TTF2: variants seen among roughly 807,000 people sequenced by gnomAD.
TTF2 encodes transcription termination factor 2, also known as RNA polymerase II termination factor.
A neutral mutation model predicts 142.4 loss-of-function variants in TTF2; 108 were observed. The observed-to-expected ratio is 0.76, with a 90% CI of 0.65 to 0.89. TTF2 has a LOEUF of 0.89. Among genes scored for constraint, TTF2 ranks in the 40% least tolerant of loss-of-function variants. TTF2 has a pLI of 0.00. For synonymous variants in TTF2, 483 were observed against 506.2 expected, an observed-to-expected ratio of 0.95 and a Z score of 0.61; for missense variants, 1,327 against 1,379.8, an observed-to-expected ratio of 0.96 and a Z score of 0.61.
intron 11 of TTF2, among the ~76,000 whole-genome samples, chr1:117,084,730 T>C (rs887175684): frequency 6.6e-6 from 1 of 152,206 alleles, no homozygotes; most frequent in African/African-American, 2.4e-5. Context: ...TTAGTCCTAG[T>C]CTTTGTCTTT....
rs755610011 is a variant in TTF2 at position 117,081,804 on chromosome 1, C to T, written c.1784-24C>T. 1.3e-5 allele frequency: 21 copies of T among 1,608,700 alleles called. No homozygotes were observed. The South Asian group carries it at 2.3e-4, about 18-fold the overall frequency. ...TTATTTGCCCTAAGCAATTAACTCT[C>T]TTAATTTTGCTTTTATTTTCTAGCA... On this transcript the variant is annotated intron_variant, in intron 9 of 22. Transcript: ENST00000369466.
At chr1:117,082,809 C>T (rs1466941530) in intron 10 of TTF2, among the ~76,000 whole-genome samples, 3 of 152,020 alleles carry the variant, frequency 2.0e-5, no homozygotes, top group South Asian at 4.1e-4. Context: ...GGCAAGAAAG[C>T]AAGACACTGT....
chr1:117,060,422 G>A (rs1464781904), intron 1 of TTF2, 33 bp from the exon 2 acceptor site: 1 of 1,610,534 alleles, frequency 6.2e-7, no homozygotes, highest in Admixed American at 1.7e-5. Context: ...ATTTAGCGTG[G>A]CGTAATCGTT....
rs1343131724 is a variant in TTF2 at position 117,088,973 on chromosome 1, C to T, written c.2333C>T (p.Ser778Leu). The T allele has an allele frequency of 1.2e-6, 2 of 1,610,682 alleles. No individual in the cohort carries two copies. The highest frequency in any genetic ancestry group is 1.3e-5 in the African/African-American group (1 of 74,718). ...CAAAACAACTTATTGGATATGTATT[C>T]GCTGCTGAAGTGAGTAACTTCTCGT... Reference protein sequence around the residue: ...PIQNNLLDMYSLLKFLRCSPF... With the variant: ...PIQNNLLDMYLLLKFLRCSPF... Residue 778 changes from serine to leucine, a missense_variant, in exon 13 of 23, where the codon TCG (serine) becomes TTG (leucine). Physicochemically the swap from Ser to Leu is moderately radical, Grantham distance 145 (BLOSUM62 -2). Coordinates refer to ENST00000369466, the MANE Select transcript of TTF2 (RefSeq NM_003594.4).
At position 117,075,651 on chromosome 1, in the gene TTF2, A is replaced by G. The variant is rs780730172; in HGVS notation, c.1067A>G (p.Glu356Gly). 6.2e-7 allele frequency: 1 copy of G among 1,614,088 alleles called. No individual in the cohort carries two copies. The highest frequency in any genetic ancestry group is 1.1e-5 in the South Asian group (1 of 91,074). ...EAATSSDDEE[E>G]DDVVFVSSKP... ...GCCACAAGCAGTGACGACGAGGAGG[A>G]AGATGATGTTGTTTTTGTTTCCTCT... Residue 356 changes from glutamate to glycine, a missense_variant, in exon 5 of 23, where the codon GAA becomes GGA. By Grantham distance (98) the Glu-to-Gly change is moderately conservative. Transcript: ENST00000369466. The surrounding 1 kb of genome is among the most constrained non-coding windows in gnomAD (Gnocchi z 4.5).
rs759713972 is a variant in TTF2, at chr1:117,075,705, C to A, written c.1121C>A (p.Ser374Ter). ...SKPGSPLLFD[S>*]TLDLETKENL... Reference sequence around the variant, plus strand: ...CCTGGGAGCCCCCTACTCTTTGACTCGACTCTGGACTTAGAGACGAAGGAA... The same window carrying A: ...CCTGGGAGCCCCCTACTCTTTGACTAGACTCTGGACTTAGAGACGAAGGAA... Residue 374 changes from serine to a stop codon, truncating the protein, a stop_gained, in exon 5 of 23, where the codon TCG becomes TAG. Transcript: ENST00000369466. LOFTEE classifies it high-confidence loss of function. The surrounding 1 kb of genome is among the most constrained non-coding windows in gnomAD (Gnocchi z 4.5). 3.1e-6 allele frequency: 5 copies of A among 1,614,154 alleles called. No individual in the cohort carries two copies. The highest frequency in any genetic ancestry group is 4.2e-6 in the Non-Finnish European group (5 of 1,180,028).
chr1:117,077,916 G>A lies in TTF2; in HGVS notation c.1574G>A (p.Gly525Asp), dbSNP rs1161706216. The stretch of plus-strand genomic sequence containing the variant: ...TTAGGTAACACCTATTTGTATGCAG[G>A]CCATACAAACCAAGATCACGTTCAT... ...TAGGSSQCYR[G>D]HTNQDHVHAV... Residue 525 changes from glycine (G) to aspartate (D), a missense_variant and splice_region_variant, in exon 8 of 23, where the codon GGC (glycine) becomes GAC (aspartate). Coordinates refer to ENST00000369466, the MANE Select transcript of TTF2 (RefSeq NM_003594.4). The A allele has an allele frequency of 6.2e-7, 1 of 1,614,084 alleles. No homozygotes were observed. The highest frequency in any genetic ancestry group is 8.5e-7 in the Non-Finnish European group (1 of 1,179,956).
rs1464010888 is a variant in TTF2, at chr1:117,097,266, G to C, written c.3187-85G>C. ...TTTGATAGGAACACAGTGCTTATCTGTATTGATTGTGGACTTAAACCTGAG... is the reference window on the plus strand; with the variant it reads ...TTTGATAGGAACACAGTGCTTATCTCTATTGATTGTGGACTTAAACCTGAG... On this transcript the variant is annotated intron_variant, in intron 20 of 22. Coordinates refer to ENST00000369466, the MANE Select transcript of TTF2 (RefSeq NM_003594.4). The surrounding 1 kb of genome is among the most constrained non-coding windows in gnomAD (Gnocchi z 4.1). 8 of 1,169,664 alleles carry C rather than the reference G, an allele frequency of 6.8e-6. No individual in the cohort carries two copies. Among genetic ancestry groups the C allele is most frequent in the Admixed American group, 1.7e-5 (1 of 59,102 alleles). 72.5% of individuals were successfully genotyped at this position (1,169,664 alleles called of 1,614,324 possible). A position where few individuals can be genotyped will look rare whatever the true frequency, so the allele number is the denominator to read the frequency against.
intron 2 of TTF2, 124 bp downstream of exon 2, chr1:117,060,681 G>A: frequency 4.4e-6 from 4 of 903,868 alleles, no homozygotes; most frequent in Non-Finnish European, 6.4e-6. Flanking sequence ...GCGGTGTCAG[G>A]ACCCTTTAAG....
rs893763474 is a variant in TTF2 at position 117,097,683 on chromosome 1, C to T, written c.3269+250C>T. 5.9e-5 allele frequency among the ~76,000 whole-genome samples: 9 copies of T among 152,222 alleles called. No homozygotes were observed. The highest frequency in any genetic ancestry group is 5.2e-4 in the Admixed American group (8 of 15,282). On this transcript the variant is annotated intron_variant, in intron 21 of 22. Transcript: ENST00000369466. The surrounding 1 kb of genome is among the most constrained non-coding windows in gnomAD (Gnocchi z 4.1). The stretch of plus-strand genomic sequence containing the variant: ...ATTCACGTTATTGTTAGTCTAACAT[C>T]TGTTTCCATGGAAACGGGGAGCATA...
At chr1:117,089,905 G>A in intron 13 of TTF2, 150 bp from the exon 14 acceptor site, 3 of 835,774 alleles carry the variant, frequency 3.6e-6, no homozygotes, top group Non-Finnish European at 5.4e-6. Context: ...GTCCAGCAAA[G>A]GTTTGCTATG....
Position 117,100,644 on chromosome 1 carries a change from C to G in TTF2, c.3345-736C>G, listed in dbSNP as rs538184707. On this transcript the variant is annotated intron_variant, in intron 22 of 22. Coordinates refer to ENST00000369466, the MANE Select transcript of TTF2 (RefSeq NM_003594.4). The surrounding 1 kb of genome is among the most constrained non-coding windows in gnomAD (Gnocchi z 4.6). ...CTCAGCCATGGTTTTGCACGTGTTC[C>G]CATTCCCTGGGGTGCTCTCCTCACT... Among the ~76,000 whole-genome samples, 441 of 152,290 alleles carry G rather than the reference C, an allele frequency of 2.9e-3. 5 individuals carry two copies. Among genetic ancestry groups the G allele is most frequent in the African/African-American group, 0.01 (433 of 41,564 alleles).
Position 117,075,263 on chromosome 1 carries a change from A to G in TTF2, c.679A>G (p.Asn227Asp), listed in dbSNP as rs1322186864. Residue 227 changes from asparagine (N) to aspartate (D), a missense_variant, in exon 5 of 23, where the codon AAT (asparagine) becomes GAT (aspartate). Physicochemically the swap from Asn to Asp is conservative, Grantham distance 23 (BLOSUM62 1). Coordinates refer to ENST00000369466, the MANE Select transcript of TTF2 (RefSeq NM_003594.4). The surrounding 1 kb of genome is among the most constrained non-coding windows in gnomAD (Gnocchi z 4.5). ...AATTAAATCTCAACAGTGCCAAGGT[A>G]ATGAGCTTACAAGACCATCTGCATC... The part of the protein sequence containing the change: ...SEIKSQQCQG[N>D]ELTRPSASSQ... 6.2e-7 allele frequency: 1 copy of G among 1,614,238 alleles called. No individual in the cohort carries two copies. Among genetic ancestry groups the G allele is most frequent in the Non-Finnish European group, 8.5e-7 (1 of 1,180,038 alleles).
chr1:117,075,140 A>T lies in TTF2; in HGVS notation c.556A>T (p.Lys186Ter), dbSNP rs1481632689. Residue 186 changes from lysine to a stop codon, truncating the protein, a stop_gained, in exon 5 of 23, where the codon AAA (lysine) becomes TAA (stop). Transcript: ENST00000369466. LOFTEE classifies it high-confidence loss of function. The surrounding 1 kb of genome is among the most constrained non-coding windows in gnomAD (Gnocchi z 4.5). ...KDLSSGLVPK[K>*]KQSVVQEKKQ... ...CCTCTCATCTGGCCTGGTACCAAAGAAAAAACAATCTGTAGTTCAAGAGAA... is the reference window on the plus strand; with the variant it reads ...CCTCTCATCTGGCCTGGTACCAAAGTAAAAACAATCTGTAGTTCAAGAGAA... 2.5e-6 allele frequency: 4 copies of T among 1,614,114 alleles called. No homozygotes were observed. Among genetic ancestry groups the T allele is most frequent in the Non-Finnish European group, 3.4e-6 (4 of 1,180,030 alleles).
Position 117,102,633 on chromosome 1 carries a change from TAGTATTTGTATTTTTACAAATTTGC to T in TTF2, c.*1120_*1144del, listed in dbSNP as rs1441584308. 3 of 152,262 alleles carry T rather than the reference TAGTATTTGTATTTTTACAAATTTGC, an allele frequency of 2.0e-5. No homozygotes were observed. The highest frequency in any genetic ancestry group is 4.4e-5 in the Non-Finnish European group (3 of 68,044). The allele number at this position is 152,262 out of a possible 1,614,324, so 9.4% of individuals were successfully genotyped here. ...TGTATAATATTTGTGTCATTTTTAA[TAGTATTTGTATTTTTACAAATTTGC>T]AGTATTTGTAGCATTTAGTATCATT... is the stretch of plus-strand genomic sequence containing the variant. On this transcript the variant is annotated 3_prime_UTR_variant, in exon 23 of 23. Transcript: ENST00000369466.
chr1:117,078,727 G>A (rs1267792576), intron 8 of TTF2, among the ~76,000 whole-genome samples: 1 of 152,192 alleles, frequency 6.6e-6, no homozygotes, highest in African/African-American at 2.4e-5. Flanking sequence ...CATTTAAGCA[G>A]GGATGACTGA....
Position 117,070,676 on chromosome 1 carries a change from T to G in TTF2, c.219-2985T>G, listed in dbSNP as rs972277203. Among the ~76,000 whole-genome samples the G allele has an allele frequency of 6.6e-6, 1 of 152,212 alleles. No individual in the cohort carries two copies. Among genetic ancestry groups the G allele is most frequent in the African/African-American group, 2.4e-5 (1 of 41,450 alleles). Reference sequence around the variant, plus strand: ...TTTGAATTTTATGCATTCAAAGCATTTCAGAAATTGTATTACATATGTTTA... The same window carrying G: ...TTTGAATTTTATGCATTCAAAGCATGTCAGAAATTGTATTACATATGTTTA... On this transcript the variant is annotated intron_variant, in intron 3 of 22. Coordinates refer to ENST00000369466, the MANE Select transcript of TTF2 (RefSeq NM_003594.4). This position sits in a 1 kb window ranked among gnomAD's most constrained non-coding sequence, Gnocchi z 4.2.
Position 117,090,607 on chromosome 1 carries a change from T to C in TTF2, c.2572T>C (p.Phe858Leu), listed in dbSNP as rs1308859896. The C allele has an allele frequency of 6.2e-7, 1 of 1,613,916 alleles. No individual in the cohort carries two copies. Among genetic ancestry groups the C allele is most frequent in the African/African-American group, 1.3e-5 (1 of 75,030 alleles). Residue 858 changes from phenylalanine to leucine, a missense_variant, in exon 15 of 23, where the codon TTT becomes CTT. Coordinates refer to ENST00000369466, the MANE Select transcript of TTF2 (RefSeq NM_003594.4). The surrounding 1 kb of genome is among the most constrained non-coding windows in gnomAD (Gnocchi z 4.8). ...SEDEETVYNV[F>L]FARSRSALQS... Reference sequence around the variant, plus strand: ...AGATGAAGAGACTGTTTACAATGTGTTTTTTGCAAGATCAAGGTGTGTGTA... The same window carrying C: ...AGATGAAGAGACTGTTTACAATGTGCTTTTTGCAAGATCAAGGTGTGTGTA...
In TTF2 at chr1:117,086,900, G is replaced by A. The variant is rs73006042; in HGVS notation, c.2160+378G>A. Reference sequence around the variant, plus strand: ...TGTGCAGACTAGTATTTTACTACTAGTATTTTGATTTTAAGCCATCTTTCC... The same window carrying A: ...TGTGCAGACTAGTATTTTACTACTAATATTTTGATTTTAAGCCATCTTTCC... On this transcript the variant is annotated intron_variant, in intron 12 of 22. Coordinates refer to ENST00000369466, the MANE Select transcript of TTF2 (RefSeq NM_003594.4). This position sits in a 1 kb window ranked among gnomAD's most constrained non-coding sequence, Gnocchi z 4.2. 0.052 allele frequency among the ~76,000 whole-genome samples: 7,898 copies of A among 151,646 alleles called. 276 individuals carry two copies. Among genetic ancestry groups the A allele is most frequent in the East Asian group, 0.12 (634 of 5,162 alleles).
Sources: gnomAD v4.1 joint callset for allele counts (sites outside exome capture counted in the v4.1 genomes callset) on GRCh38, gnomAD v4.1.1 for gene constraint, Gnocchi (gnomAD v3.1) non-coding constraint, MANE v1.5 for transcripts, NCBI Gene and HGNC (gene_info 2026-07-23, HGNC 2026-07-21) for gene names.